The following B4GALNT1 variants were observed in gnomAD, a reference collection of about 807,000 sequenced individuals.
The protein encoded by B4GALNT1 is beta-1,4-N-acetyl-galactosaminyltransferase 1, also known as beta-1,4 N-acetylgalactosaminyltransferase 1.
In B4GALNT1, 43 loss-of-function variants were observed where a neutral mutation model predicts 55.2. That is an observed-to-expected ratio of 0.78 (90% CI 0.61 to 1.00). The LOEUF is 1.00. Ranked by LOEUF, B4GALNT1 falls within the 50% of genes least tolerant of loss-of-function variation. B4GALNT1 has a pLI of 0.00. For synonymous variants in B4GALNT1, 305 were observed against 311.6 expected (o/e 0.98, Z 0.22); for missense variants, 664 against 729.7 (o/e 0.91, Z 1.04).
In B4GALNT1 at chr12:57,623,960, TTCCAG is replaced by T; in HGVS notation, c.*2779_*2783del. 1.2e-6 allele frequency: 2 copies of T among 1,613,234 alleles called. No individual in the cohort carries two copies. The highest frequency in any genetic ancestry group is 1.7e-6 in the Non-Finnish European group (2 of 1,179,548). On this transcript the variant is annotated 3_prime_UTR_variant, in exon 11 of 11. Transcript: ENST00000341156. ...AGCATGGCTGGGAGGGGTAGCTGTA[TTCCAG>T]GACATCGAGGTAGTCAGCCCACCTC...
chr12:57,631,392 C>A, intron 2 of B4GALNT1, 28 bp from the exon 3 acceptor site: 1 of 1,612,808 alleles, frequency 6.2e-7, no homozygotes, highest in South Asian at 1.1e-5. Flanking sequence ...TGAGGGTCAT[C>A]AGAGCCCAGC....
In B4GALNT1 at chr12:57,628,893, G is replaced by T; in HGVS notation, c.822C>A (p.Asn274Lys). The change falls in exon 8 of 11, where the codon AAC becomes AAA. Residue 274 changes from asparagine to lysine, a missense_variant. Transcript: ENST00000341156. ...PGSLPQGAQY[N>K]ISALVTIATK... ...TGGCAATCGTGACTAGAGCGCTGAT[G>T]TTGTACTGGGCTGAGATTGGGGGCA... 1.2e-6 allele frequency: 2 copies of T among 1,614,212 alleles called. No individual in the cohort carries two copies. The highest frequency in any genetic ancestry group is 1.7e-6 in the Non-Finnish European group (2 of 1,180,036).
intron 9 of B4GALNT1, 67 bp from the exon 10 acceptor site, chr12:57,627,925 C>A (rs1233909520): frequency 1.3e-6 from 2 of 1,482,634 alleles, no homozygotes; most frequent in East Asian, 2.4e-5. Flanking sequence ...TCAAGGTCTG[C>A]GCTCCGGTGC....
Position 57,628,054 on chromosome 12 carries a change from G to A in B4GALNT1, c.1143+68C>T, listed in dbSNP as rs559150690. 1.3e-5 allele frequency: 20 copies of A among 1,584,988 alleles called. No individual in the cohort carries two copies. In the East Asian group the frequency reaches 3.8e-4, roughly 30 times the overall value. On this transcript the variant is annotated intron_variant, in intron 9 of 10. Transcript: ENST00000341156. ...AGGGCTGGCCGTTCCTGGCCGCAGC[G>A]CCCCCGCTGTGGCCTTAGCCTGTTC...
Position 57,630,292 on chromosome 12 carries a change from C to G in B4GALNT1, c.572G>C (p.Gly191Ala), listed in dbSNP as rs1332063753. 5 of 1,614,058 alleles carry G rather than the reference C, an allele frequency of 3.1e-6. No individual in the cohort carries two copies. Among genetic ancestry groups the G allele is most frequent in the Non-Finnish European group, 3.4e-6 (4 of 1,180,020 alleles). ...AGTGAGAGTAACTCCAGTCACTTCC[C>G]CTGCCACGTCCCAGGTGCCTAGGGA... The part of the protein sequence containing the change: ...TASLGTWDVA[G>A]EVTGVTLTGE... Residue 191 changes from glycine (G) to alanine (A), a missense_variant, in exon 6 of 11, where the codon GGG becomes GCG. Gly to Ala is a moderately conservative substitution (Grantham distance 60). Coordinates refer to ENST00000341156, the MANE Select transcript of B4GALNT1 (RefSeq NM_001478.5).
chr12:57,629,921 G>A (rs1885086127), intron 6 of B4GALNT1: 1 of 1,536,022 alleles, frequency 6.5e-7, no homozygotes, highest in Non-Finnish European at 8.7e-7. Context: ...GGCCTAAAGG[G>A]GAGACACACC....
At chr12:57,631,826 C>A in intron 2 of B4GALNT1, 89 bp downstream of exon 2, 1 of 1,228,790 alleles carries the variant, frequency 8.1e-7, no homozygotes. Context: ...TAGGAGAATG[C>A]AGGCATCTGA....
chr12:57,631,329 C>T lies in B4GALNT1; in HGVS notation c.254G>A (p.Ser85Asn), dbSNP rs199725482. 2.5e-6 allele frequency: 4 copies of T among 1,614,008 alleles called. No homozygotes were observed. In the African/African-American group the frequency reaches 5.3e-5, roughly 22 times the overall value. Residue 85 changes from serine to asparagine, a missense_variant, in exon 3 of 11, where the codon AGT becomes AAT. Coordinates refer to ENST00000341156, the MANE Select transcript of B4GALNT1 (RefSeq NM_001478.5). The stretch of plus-strand genomic sequence containing the variant: ...GAAGGGGAGGGGGAGGCCCCCCCCA[C>T]TGGACTCACAACTGCAGTTGTTCCA... The part of the protein sequence containing the change: ...LAWNNCSCES[S>N]GGGLPLPFQK...
In B4GALNT1 at chr12:57,625,637, T is replaced by G; in HGVS notation, c.*1107A>C. 6.3e-7 allele frequency: 1 copy of G among 1,593,356 alleles called. No individual in the cohort carries two copies. The highest frequency in any genetic ancestry group is 8.6e-7 in the Non-Finnish European group (1 of 1,169,216). On this transcript the variant is annotated 3_prime_UTR_variant, in exon 11 of 11. Transcript: ENST00000341156. ...GACTCCTGGACAGGGTGACTCCAGA[T>G]CAGCTGTTTGTGAGTGTGCAGGATG...
Position 57,625,589 on chromosome 12 carries a change from G to A in B4GALNT1, c.*1155C>T. On this transcript the variant is annotated 3_prime_UTR_variant, in exon 11 of 11. Transcript: ENST00000341156. The stretch of plus-strand genomic sequence containing the variant: ...GACACCCTCCCCACATAGCCTTGGT[G>A]CAGGGGACACTGACCCGGGTAGGAC... 1 of 1,596,936 alleles carries A rather than the reference G, an allele frequency of 6.3e-7. No homozygotes were observed. The highest frequency in any genetic ancestry group is 1.1e-5 in the South Asian group (1 of 88,144).
In B4GALNT1 at chr12:57,623,795, G is replaced by A; in HGVS notation, c.*2949C>T. Reference sequence around the variant, plus strand: ...GACCAGCTCTCATGTGGGGGTGGGAGGCTCTCTTCCTTTTTTGCTCCTGTT... The same window carrying A: ...GACCAGCTCTCATGTGGGGGTGGGAAGCTCTCTTCCTTTTTTGCTCCTGTT... On this transcript the variant is annotated 3_prime_UTR_variant, in exon 11 of 11. Transcript: ENST00000341156. 6.3e-7 allele frequency: 1 copy of A among 1,576,504 alleles called. No homozygotes were observed. The highest frequency in any genetic ancestry group is 8.7e-7 in the Non-Finnish European group (1 of 1,152,418).
In B4GALNT1 at chr12:57,632,085, G is replaced by T. The variant is rs545189363; in HGVS notation, c.48C>A (p.Ala16=). The part of the protein sequence containing the change: ...RALCALVLLL[A]CASLGLLYAS... ...CGTACAGGAGCCCCAGCGAGGCGCA[G>T]GCGAGCAGAAGGACCAGAGCGCACA... The change falls in exon 2 of 11, where the codon GCC becomes GCA. Residue 16 remains alanine (A), a synonymous_variant. Coordinates refer to ENST00000341156, the MANE Select transcript of B4GALNT1 (RefSeq NM_001478.5). The T allele has an allele frequency of 4.6e-5, 66 of 1,447,866 alleles. No homozygotes were observed. In the South Asian group the frequency reaches 8.6e-4, roughly 19 times the overall value. 89.7% of individuals were successfully genotyped at this position (1,447,866 alleles called of 1,614,324 possible).
Position 57,628,236 on chromosome 12 carries a change from G to C in B4GALNT1, c.1029C>G (p.Ala343=), listed in dbSNP as rs762519517. 8.7e-6 allele frequency: 14 copies of C among 1,614,150 alleles called. No homozygotes were observed. In the African/African-American group the frequency reaches 1.7e-4, roughly 20 times the overall value. ...GKGWFAGRNL[A]VSQVTTKYVL... is the part of the protein sequence containing the mutation. The stretch of plus-strand genomic sequence containing the variant: ...CGTACTTGGTGGTTACTTGAGACAC[G>C]GCCAGGTTCCGGCCTGCGAACCAGC... The change falls in exon 9 of 11, where the codon GCC becomes GCG. Residue 343 remains alanine, a synonymous_variant. Coordinates refer to ENST00000341156, the MANE Select transcript of B4GALNT1 (RefSeq NM_001478.5).
Position 57,625,417 on chromosome 12 carries a change from G to A in B4GALNT1, c.*1327C>T. ...TTTGCCCCATCCCTGCAGCTGGCCA[G>A]CCGATGTCGAGATGCTAGGATCCGC... On this transcript the variant is annotated 3_prime_UTR_variant, in exon 11 of 11. Coordinates refer to ENST00000341156, the MANE Select transcript of B4GALNT1 (RefSeq NM_001478.5). 1.2e-6 allele frequency: 2 copies of A among 1,614,206 alleles called. No individual in the cohort carries two copies. The highest frequency in any genetic ancestry group is 1.7e-6 in the Non-Finnish European group (2 of 1,180,032).
chr12:57,632,148 G>T lies in B4GALNT1; in HGVS notation c.-1-15C>A. The T allele has an allele frequency of 6.5e-7, 1 of 1,540,108 alleles. No individual in the cohort carries two copies. The highest frequency in any genetic ancestry group is 2.4e-5 in the East Asian group (1 of 41,016). ...CCAGCCACATCCTAGGTGGGGGTAGGGTGGGGAGTGAGAAAGGGAGGGAAG... is the reference window on the plus strand; with the variant it reads ...CCAGCCACATCCTAGGTGGGGGTAGTGTGGGGAGTGAGAAAGGGAGGGAAG... On this transcript the variant is annotated splice_polypyrimidine_tract_variant and intron_variant, in intron 1 of 10. Transcript: ENST00000341156.
chr12:57,626,715 C>T lies in B4GALNT1; in HGVS notation c.*29G>A, dbSNP rs770449274. 6.2e-7 allele frequency: 1 copy of T among 1,612,958 alleles called. No individual in the cohort carries two copies. The highest frequency in any genetic ancestry group is 1.3e-5 in the African/African-American group (1 of 75,038). On this transcript the variant is annotated 3_prime_UTR_variant, in exon 11 of 11. Transcript: ENST00000341156. ...GGCAGGGACAAGGAGGCAGGCCCAG[C>T]CTGACAGTCAGAAATCCCCAGCGGG...
rs914715688 is a variant in B4GALNT1, at chr12:57,627,015, C to T, written c.1385-54G>A. The T allele has an allele frequency of 5.4e-6, 8 of 1,472,218 alleles. No homozygotes were observed. The Middle Eastern group carries it at 6.9e-4, about 127-fold the overall frequency. The allele number at this position is 1,472,218 out of a possible 1,614,324, so 91.2% of individuals were successfully genotyped here. On this transcript the variant is annotated intron_variant, in intron 10 of 10. Transcript: ENST00000341156. ...GGATCCTGAGGGTGCAGAAGGCCGACTGGTAAGGGAGAACTCTCAAATTTA... is the reference window on the plus strand; with the variant it reads ...GGATCCTGAGGGTGCAGAAGGCCGATTGGTAAGGGAGAACTCTCAAATTTA...
chr12:57,627,539 TAGG>T, intron 10 of B4GALNT1, 76 bp downstream of exon 10: 2 of 1,500,376 alleles, frequency 1.3e-6, no homozygotes, highest in South Asian at 1.3e-5. Flanking sequence ...GGGTGCAGCC[TAGG>T]AGGAGAGGCG....
At chr12:57,631,804 C>A (rs550016562) in intron 2 of B4GALNT1, 111 bp downstream of exon 2, 6 of 1,136,858 alleles carry the variant, frequency 5.3e-6, no homozygotes, top group Middle Eastern at 3.1e-4. Context: ...CACTTCACTC[C>A]ACACAGCCCG....
Sources: gnomAD v4.1 joint callset for allele counts on GRCh38, gnomAD v4.1.1 for gene constraint, MANE v1.5 for transcripts, NCBI Gene and HGNC (gene_info 2026-07-23, HGNC 2026-07-21) for gene names.